Variants in ADAMTSL1 observed in about 807,000 individuals in gnomAD.
ADAMTSL1 encodes the protein ADAMTS-like protein 1.
In ADAMTSL1, 126 loss-of-function variants were observed where a neutral mutation model predicts 201.8. That is an observed-to-expected ratio of 0.62 (90% CI 0.54 to 0.72). The LOEUF (loss-of-function observed/expected upper bound fraction) is 0.72, where lower values mean the gene tolerates loss of function less well. ADAMTSL1 is among the 30% of genes least tolerant of loss of function. ADAMTSL1 has a pLI of 0.00. For synonymous variants in ADAMTSL1, 1,121 were observed against 903.4 expected (o/e 1.24, Z -4.32); for missense variants, 2,679 against 2,277.8 (o/e 1.18, Z -3.59).
intron 2 of ADAMTSL1, among the ~76,000 whole-genome samples, chr9:18,304,023 A>G (rs1415080230): frequency 6.6e-6 from 1 of 152,142 alleles, no homozygotes; most frequent in Non-Finnish European, 1.5e-5. Context: ...AATAAAATGC[A>G]TTTAACCTTG....
intron 4 of ADAMTSL1, among the ~76,000 whole-genome samples, chr9:18,580,580 G>A (rs1446466709): frequency 6.6e-6 from 1 of 152,102 alleles, no homozygotes; most frequent in African/African-American, 2.4e-5. Context: ...CTACTTACTA[G>A]TTGAATTTCC....
intron 2 of ADAMTSL1, among the ~76,000 whole-genome samples, chr9:18,181,336 A>G (rs1390951247): frequency 6.6e-6 from 1 of 152,252 alleles, no homozygotes; most frequent in East Asian, 1.9e-4. Context: ...AATTACCATC[A>G]GAGTGAACAG....
intron 1 of ADAMTSL1, among the ~76,000 whole-genome samples, chr9:18,112,900 A>G (rs1253781843): frequency 6.6e-6 from 1 of 152,166 alleles, no homozygotes; most frequent in African/African-American, 2.4e-5. Context: ...AGGGATACTG[A>G]GGATTAGAAA....
chr9:17,940,927 A>G (rs1470813409), intron 1 of ADAMTSL1, among the ~76,000 whole-genome samples: 3 of 150,804 alleles, frequency 2.0e-5, no homozygotes. Context: ...TTATGCCTGC[A>G]TTACTCTTAT....
intron 1 of ADAMTSL1, among the ~76,000 whole-genome samples, chr9:18,109,714 C>T (rs1287372682): frequency 6.6e-6 from 1 of 152,166 alleles, no homozygotes; most frequent in East Asian, 1.9e-4. Flanking sequence ...ATCTTGTAGC[C>T]TAATTCTTCG....
intron 23 of ADAMTSL1, among the ~76,000 whole-genome samples, chr9:18,880,787 G>T (rs747766549): frequency 6.6e-6 from 1 of 152,170 alleles, no homozygotes; most frequent in Non-Finnish European, 1.5e-5. Flanking sequence ...TTTGAAGCCA[G>T]GTATTGACTT....
chr9:18,301,484 A>G (rs527592048), intron 2 of ADAMTSL1, among the ~76,000 whole-genome samples: 2 of 152,320 alleles, frequency 1.3e-5, no homozygotes, highest in Non-Finnish European at 2.9e-5. Flanking sequence ...CCACTTTTAC[A>G]TGCCTAATAA....
chr9:18,288,067 G>C (rs1222392464), intron 2 of ADAMTSL1, among the ~76,000 whole-genome samples: 2 of 152,132 alleles, frequency 1.3e-5, no homozygotes, highest in Admixed American at 6.6e-5. Flanking sequence ...GCTGTGGGGA[G>C]TGGAGAGAGA....
chr9:18,857,141 CTT>C (rs1407490176), intron 23 of ADAMTSL1, among the ~76,000 whole-genome samples: 1 of 152,120 alleles, frequency 6.6e-6, no homozygotes, highest in Non-Finnish European at 1.5e-5. Context: ...CTTTAATATA[CTT>C]TTGTTTTGAA....
At position 17,936,776 on chromosome 9, in the gene ADAMTSL1, C is replaced by G. The variant is rs186472242; in HGVS notation, c.87+29854C>G. Among the ~76,000 whole-genome samples, 38 of 152,282 alleles carry G rather than the reference C, an allele frequency of 2.5e-4. 1 individual carries two copies. In the East Asian group the frequency reaches 5.8e-3, roughly 23 times the overall value. The stretch of plus-strand genomic sequence containing the variant: ...ACCGCCTGCATGGATGGGCTTTTGC[C>G]AGAAATTGGCCTGCTTTACTCCCCT... On this transcript the variant is annotated intron_variant, in intron 1 of 29. Coordinates refer to the ADAMTSL1 transcript ENST00000680146.
At chr9:18,662,379 C>T (rs994602778) in intron 9 of ADAMTSL1, among the ~76,000 whole-genome samples, 1 of 152,252 alleles carries the variant, frequency 6.6e-6, no homozygotes, top group African/African-American at 2.4e-5. Flanking sequence ...TTAACAAGGT[C>T]CAGGCCAATG....
intron 3 of ADAMTSL1, chr9:18,573,404 A>G (rs1214143405): frequency 6.4e-6 from 1 of 155,378 alleles, no homozygotes; most frequent in Admixed American, 6.5e-5. Context: ...CCACCCATCT[A>G]AGGAGGAAGT....
At chr9:18,839,594 T>C (rs200083805) in intron 23 of ADAMTSL1, among the ~76,000 whole-genome samples, 2 of 152,212 alleles carry the variant, frequency 1.3e-5, no homozygotes, top group East Asian at 1.9e-4. Flanking sequence ...TTCTAGATCC[T>C]TGAGGAATGG....
intron 1 of ADAMTSL1, among the ~76,000 whole-genome samples, chr9:17,940,802 A>AACC (rs796516368): frequency 2.0e-5 from 1 of 50,820 alleles, no homozygotes; most frequent in Admixed American, 3.6e-4. Context: ...AGTAAATAAC[A>AACC]CCCCCCCCCC....
chr9:18,152,035 A>G (rs1826939832), intron 1 of ADAMTSL1, among the ~76,000 whole-genome samples: 1 of 152,084 alleles, frequency 6.6e-6, no homozygotes, highest in African/African-American at 2.4e-5. Flanking sequence ...ATAGCATTTT[A>G]TAGTTTACAA....
At chr9:18,360,670 T>A (rs1193582037) in intron 2 of ADAMTSL1, 1 of 152,182 alleles carries the variant, frequency 6.6e-6, no homozygotes, top group Non-Finnish European at 1.5e-5. Flanking sequence ...CAAAGAATTG[T>A]CCTGTGGCAG....
At chr9:17,983,732 ATATT>A (rs1158405338) in intron 1 of ADAMTSL1, among the ~76,000 whole-genome samples, 1 of 152,170 alleles carries the variant, frequency 6.6e-6, no homozygotes, top group African/African-American at 2.4e-5. Flanking sequence ...GAGAGACACA[ATATT>A]TATGTCTAAT....
chr9:18,186,808 A>T (rs1828754717), intron 2 of ADAMTSL1, among the ~76,000 whole-genome samples: 1 of 151,464 alleles, frequency 6.6e-6, no homozygotes, highest in East Asian at 1.9e-4. Flanking sequence ...ATATTGTGCC[A>T]GCAGTGCCTT....
chr9:18,727,179 TTTTAA>T (rs1459095452), intron 15 of ADAMTSL1, among the ~76,000 whole-genome samples: 1 of 152,270 alleles, frequency 6.6e-6, no homozygotes. Context: ...CACAATCATA[TTTTAA>T]TTTATTTGAT....
Sources: gnomAD v4.1 joint callset for allele counts (sites outside exome capture counted in the v4.1 genomes callset) on GRCh38, gnomAD v4.1.1 for gene constraint, MANE v1.5 for transcripts, NCBI Gene and HGNC (gene_info 2026-07-23, HGNC 2026-07-21) for gene names.